Variants in CELSR1 observed in about 807,000 individuals in gnomAD.
CELSR1 encodes the protein adhesion G protein-coupled receptor C1.
Under a neutral mutation model 249.1 loss-of-function variants are expected in CELSR1, and 110 were observed. That is an observed-to-expected ratio of 0.44 (90% CI 0.38 to 0.52). CELSR1 has a LOEUF of 0.52. Among genes scored for constraint, CELSR1 ranks in the 20% least tolerant of loss-of-function variants. CELSR1 has a pLI of 0.00. For missense variants in CELSR1, 4,109 were observed against 4,296.4 expected (o/e 0.96, Z 1.22); for synonymous variants, 2,113 against 1,900.0 (o/e 1.11, Z -2.92).
At chr22:46,397,646 C>T in intron 12 of CELSR1, 28 bp downstream of exon 12, 1 of 1,430,676 alleles carries the variant, frequency 7.0e-7, no homozygotes. Context: ...CTCCCTGTCA[C>T]TGAAGGGCCC....
In CELSR1 at chr22:46,490,518, C is replaced by T. The variant is rs532698275; in HGVS notation, c.3545-26173G>A. 2.6e-5 allele frequency among the ~76,000 whole-genome samples: 4 copies of T among 152,120 alleles called. No individual in the cohort carries two copies. Among genetic ancestry groups the T allele is most frequent in the African/African-American group, 4.8e-5 (2 of 41,498 alleles). On this transcript the variant is annotated intron_variant, in intron 1 of 34. Transcript: ENST00000674500. This position sits in a 1 kb window ranked among gnomAD's most constrained non-coding sequence, Gnocchi z 5.2. ...GTCAGGCTGGTCTCGAACTCCTGAC[C>T]GCAGGCGAGCCGCCCCCCTCCGCCT...
At position 46,412,737 on chromosome 22, in the gene CELSR1, C is replaced by T. The variant is rs960248238; in HGVS notation, c.4612-978G>A. Among the ~76,000 whole-genome samples, 9 of 152,238 alleles carry T rather than the reference C, an allele frequency of 5.9e-5. No homozygotes were observed. Among genetic ancestry groups the T allele is most frequent in the Admixed American group, 5.2e-4 (8 of 15,280 alleles). ...TCCAGGAGGAAAAGCAGCACCCGCC[C>T]TACACAATCCATGCTGGCCACGGAA... On this transcript the variant is annotated intron_variant, in intron 5 of 34. Coordinates refer to ENST00000674500, the MANE Select transcript of CELSR1 (RefSeq NM_001378328.1). The surrounding 1 kb of genome is among the most constrained non-coding windows in gnomAD (Gnocchi z 4.5).
Position 46,527,854 on chromosome 22 carries a change from G to A in CELSR1, c.3544+5773C>T, listed in dbSNP as rs2080753444. 6.6e-6 allele frequency among the ~76,000 whole-genome samples: 1 copy of A among 152,162 alleles called. No individual in the cohort carries two copies. The highest frequency in any genetic ancestry group is 2.4e-5 in the African/African-American group (1 of 41,438). On this transcript the variant is annotated intron_variant, in intron 1 of 34. Coordinates refer to ENST00000674500, the MANE Select transcript of CELSR1 (RefSeq NM_001378328.1). The surrounding 1 kb of genome is among the most constrained non-coding windows in gnomAD (Gnocchi z 5.5). The stretch of plus-strand genomic sequence containing the variant: ...CTCACGCCTGTAATCCCAGCATTTT[G>A]GGAGGCTGAGGCGGGCGGATAGCCT...
chr22:46,372,520 C>A (rs1177860126), intron 25 of CELSR1, among the ~76,000 whole-genome samples: 1 of 144,888 alleles, frequency 6.9e-6, no homozygotes, highest in Non-Finnish European at 1.5e-5. Flanking sequence ...CCCCACCCAC[C>A]CATTCATCCT....
rs868304989 is a variant in CELSR1, at chr22:46,430,193, G to A, written c.4611+3200C>T. Among the ~76,000 whole-genome samples the A allele has an allele frequency of 1.3e-5, 2 of 152,228 alleles. No homozygotes were observed. The highest frequency in any genetic ancestry group is 2.4e-5 in the African/African-American group (1 of 41,466). ...CTCTGGAGGGCGGGGGACAGAGAAC[G>A]AGACTGAAGAGAGGAGGGTGGGCAG... On this transcript the variant is annotated intron_variant, in intron 5 of 34. Coordinates refer to ENST00000674500, the MANE Select transcript of CELSR1 (RefSeq NM_001378328.1). The surrounding 1 kb of genome is among the most constrained non-coding windows in gnomAD (Gnocchi z 4.6).
intron 32 of CELSR1, among the ~76,000 whole-genome samples, chr22:46,365,001 C>G (rs558922240): frequency 8.5e-5 from 13 of 152,332 alleles, no homozygotes; most frequent in African/African-American, 3.1e-4. Context: ...GGTGACAGTC[C>G]ACAGAGACCC....
intron 18 of CELSR1, 38 bp downstream of exon 18, chr22:46,389,246 TGTCCCC>T: frequency 6.3e-7 from 1 of 1,589,104 alleles, no homozygotes; most frequent in African/African-American, 1.3e-5. Context: ...GGCATCCGAG[TGTCCCC>T]GAGTGTCCCC....
intron 5 of CELSR1, among the ~76,000 whole-genome samples, chr22:46,418,642 C>T (rs1419386828): frequency 3.3e-5 from 5 of 152,200 alleles, no homozygotes; most frequent in Non-Finnish European, 5.9e-5. Context: ...CGCAAAGCCA[C>T]CTGCAGCTTG....
At chr22:46,451,255 C>G (rs2079881062) in intron 2 of CELSR1, among the ~76,000 whole-genome samples, 3 of 152,348 alleles carry the variant, frequency 2.0e-5, no homozygotes, top group Non-Finnish European at 4.4e-5. Flanking sequence ...GGCCCAGACC[C>G]CCGCCCCACA....
In CELSR1 at chr22:46,381,901, G is replaced by C; in HGVS notation, c.7033C>G (p.Arg2345Gly). The C allele has an allele frequency of 6.3e-7, 1 of 1,575,120 alleles. No individual in the cohort carries two copies. Among genetic ancestry groups the C allele is most frequent in the Non-Finnish European group, 8.6e-7 (1 of 1,162,462 alleles). The change falls in exon 21 of 35, where the codon CGC (arginine) becomes GGC (glycine). Residue 2345 changes from arginine (R) to glycine (G), a missense_variant. Arg to Gly is a moderately radical substitution (Grantham distance 125). Transcript: ENST00000674500. The surrounding 1 kb of genome is among the most constrained non-coding windows in gnomAD (Gnocchi z 6.0). ...QFAVALVIIY[R>G]TLGQLLPERY... is the part of the protein sequence containing the mutation. ...TCGGGCAGGAGCTGCCCCAGGGTGC[G>C]GTAAATGATGACCAGAGCGACGGCG...
chr22:46,467,926 C>A (rs1331368262), intron 1 of CELSR1, among the ~76,000 whole-genome samples: 2 of 152,100 alleles, frequency 1.3e-5, no homozygotes, highest in African/African-American at 4.8e-5. Context: ...CTTTACTGCT[C>A]ATTTTGTGTT....
At chr22:46,372,753 G>T in intron 25 of CELSR1, 130 bp downstream of exon 25, 1 of 1,195,052 alleles carries the variant, frequency 8.4e-7, no homozygotes, top group Non-Finnish European at 1.2e-6. Flanking sequence ...GCAGGGCCGA[G>T]GCCTCCTCTG....
Position 46,396,813 on chromosome 22 carries a change from G to T in CELSR1, c.5702-67C>A. On this transcript the variant is annotated intron_variant, in intron 12 of 34. Coordinates refer to ENST00000674500, the MANE Select transcript of CELSR1 (RefSeq NM_001378328.1). The surrounding 1 kb of genome is among the most constrained non-coding windows in gnomAD (Gnocchi z 6.4). ...GAGACCTTCCACGTTAAAATATCTG[G>T]AGCAACCTGTCCCCTCCAGAAGATC... 1 of 1,563,694 alleles carries T rather than the reference G, an allele frequency of 6.4e-7. No homozygotes were observed. The highest frequency in any genetic ancestry group is 2.4e-5 in the East Asian group (1 of 41,858).
rs375446322 is a variant in CELSR1 at position 46,535,205 on chromosome 22, C to T, written c.1966G>A (p.Gly656Arg). ...GAGCCGTGGTCCACCGCCTCCACCC[C>T]GAAGCTGTAGTGCTCCACCTCCTCG... ...DREEVEHYSF[G>R]VEAVDHGSPP... Residue 656 changes from glycine (G) to arginine (R), a missense_variant, in exon 1 of 35, where the codon GGG becomes AGG. Physicochemically the swap from Gly to Arg is moderately radical, Grantham distance 125. Coordinates refer to ENST00000674500, the MANE Select transcript of CELSR1 (RefSeq NM_001378328.1). 1.2e-6 allele frequency: 2 copies of T among 1,609,268 alleles called. No individual in the cohort carries two copies. The highest frequency in any genetic ancestry group is 1.3e-5 in the African/African-American group (1 of 74,892).
At position 46,423,592 on chromosome 22, in the gene CELSR1, C is replaced by G. The variant is rs1407518633; in HGVS notation, c.4611+9801G>C. ...TACACTCCAGCCTGGGCAACAGGAG[C>G]GAAACTTCGTCTCAGAAAAAAAAAA... On this transcript the variant is annotated intron_variant, in intron 5 of 34. Coordinates refer to ENST00000674500, the MANE Select transcript of CELSR1 (RefSeq NM_001378328.1). This position sits in a 1 kb window ranked among gnomAD's most constrained non-coding sequence, Gnocchi z 5.6. Among the ~76,000 whole-genome samples the G allele has an allele frequency of 7.5e-6, 1 of 133,140 alleles. No individual in the cohort carries two copies. Among genetic ancestry groups the G allele is most frequent in the Non-Finnish European group, 1.5e-5 (1 of 65,132 alleles). The allele number at this position is 133,140 out of a possible 152,430, so 87.3% of individuals were successfully genotyped here. A position where few individuals can be genotyped will look rare whatever the true frequency, so the allele number is the denominator to read the frequency against.
In CELSR1 at chr22:46,436,603, T is replaced by C. The variant is rs2079664725; in HGVS notation, c.4407-314A>G. On this transcript the variant is annotated intron_variant, in intron 3 of 34. Transcript: ENST00000674500. This position sits in a 1 kb window ranked among gnomAD's most constrained non-coding sequence, Gnocchi z 5.9. ...CCAGGACACCTGTTACTGATGTGTTTGGGCAAAGCACGTGCTGTACATTTT... is the reference window on the plus strand; with the variant it reads ...CCAGGACACCTGTTACTGATGTGTTCGGGCAAAGCACGTGCTGTACATTTT... 6.6e-6 allele frequency among the ~76,000 whole-genome samples: 1 copy of C among 152,134 alleles called. No homozygotes were observed. Among genetic ancestry groups the C allele is most frequent in the African/African-American group, 2.4e-5 (1 of 41,414 alleles).
chr22:46,397,277 C>CTT (rs528088887), intron 12 of CELSR1, among the ~76,000 whole-genome samples: 54 of 78,738 alleles, frequency 6.9e-4, no homozygotes, highest in East Asian at 1.0e-3. Context: ...CTAATTTTTG[C>CTT]TTTTTTTTTT....
intron 32 of CELSR1, 98 bp from the exon 33 acceptor site, chr22:46,364,834 A>C: frequency 8.3e-7 from 1 of 1,206,344 alleles, no homozygotes; most frequent in Non-Finnish European, 1.2e-6. Flanking sequence ...ACCTCTCCCC[A>C]ACCTGCAGGC....
rs919323673 is a variant in CELSR1, at chr22:46,490,632, C to A, written c.3545-26287G>T. Among the ~76,000 whole-genome samples, 1 of 151,614 alleles carries A rather than the reference C, an allele frequency of 6.6e-6. No individual in the cohort carries two copies. The highest frequency in any genetic ancestry group is 6.6e-5 in the Admixed American group (1 of 15,238). ...TCTAAGCAGAGTGAGCGTCGTGGAG[C>A]CTCCCTCAGGCATGGCTGTGAGCGC... On this transcript the variant is annotated intron_variant, in intron 1 of 34. Transcript: ENST00000674500. The surrounding 1 kb of genome is among the most constrained non-coding windows in gnomAD (Gnocchi z 5.2).
Sources: allele counts gnomAD v4.1 joint callset (sites outside exome capture counted in the v4.1 genomes callset), GRCh38; gene constraint gnomAD v4.1.1; non-coding constraint Gnocchi (gnomAD v3.1); transcripts MANE v1.5; gene names NCBI Gene and HGNC (gene_info 2026-07-23, HGNC 2026-07-21).